The following CDH7 variants were observed in gnomAD, a reference collection of about 807,000 sequenced individuals.
The protein encoded by CDH7 is cadherin-7.
CDH7 carries 25 observed loss-of-function variants against 71.8 expected under a neutral mutation model. That is an observed-to-expected ratio of 0.35 (90% CI 0.25 to 0.49). CDH7 has a LOEUF of 0.49. CDH7 is among the 20% of genes least tolerant of loss of function. The probability of loss-of-function intolerance (pLI) is 0.99; values close to 1 mark genes in which losing one functional copy is unlikely to be tolerated. For synonymous variants in CDH7, 381 were observed against 363.8 expected (o/e 1.05, Z -0.54); for missense variants, 862 against 974.6 (o/e 0.88, Z 1.54).
intron 7 of CDH7, among the ~76,000 whole-genome samples, chr18:65,853,131 C>T (rs1308641200): frequency 6.6e-5 from 10 of 152,152 alleles, no homozygotes; most frequent in Admixed American, 6.6e-4. Flanking sequence ...CTCCAATATA[C>T]ACTAAAGGAA....
At chr18:65,843,563 G>T (rs141882556) in intron 6 of CDH7, among the ~76,000 whole-genome samples, 1 of 152,214 alleles carries the variant, frequency 6.6e-6, no homozygotes, top group African/African-American at 2.4e-5. Flanking sequence ...CCAAAGACTG[G>T]CATCTGTCTG....
At chr18:65,756,945 G>A (rs1916046084) in intron 1 of CDH7, among the ~76,000 whole-genome samples, 1 of 151,982 alleles carries the variant, frequency 6.6e-6, no homozygotes. Context: ...TGAATATGAT[G>A]TATACTTGTT....
intron 2 of CDH7, among the ~76,000 whole-genome samples, chr18:65,778,641 A>G (rs1193751718): frequency 1.4e-5 from 2 of 145,640 alleles, no homozygotes; most frequent in African/African-American, 2.6e-5. Flanking sequence ...ATGGATAATG[A>G]AAGTTTGCAT....
At chr18:65,810,106 T>C in intron 3 of CDH7, 108 bp downstream of exon 3, 2 of 904,738 alleles carry the variant, frequency 2.2e-6, no homozygotes, top group Non-Finnish European at 3.4e-6. Flanking sequence ...CTTACTAGTA[T>C]GTGTGTATTG....
chr18:65,788,398 TA>T (rs1306524736), intron 2 of CDH7, among the ~76,000 whole-genome samples: 10 of 151,996 alleles, frequency 6.6e-5, no homozygotes, highest in Admixed American at 3.3e-4. Context: ...AAGTAACATA[TA>T]AAAAATATGA....
chr18:65,850,724 A>T (rs1033799369), intron 7 of CDH7, among the ~76,000 whole-genome samples: 1 of 152,068 alleles, frequency 6.6e-6, no homozygotes, highest in African/African-American at 2.4e-5. Flanking sequence ...CCTAAAGGAA[A>T]ATTGTGTTGA....
At chr18:65,844,174 G>GATAGATATATATATATATAT (rs145270355) in intron 7 of CDH7, 109 bp downstream of exon 7, 2 of 222,152 alleles carry the variant, frequency 9.0e-6, no homozygotes, top group African/African-American at 3.1e-5. Flanking sequence ...ATAAAAACCA[G>GATAGATATATATATATATAT]ATATATATAT....
chr18:65,874,178 A>G (rs1208340079), intron 11 of CDH7, among the ~76,000 whole-genome samples: 1 of 152,176 alleles, frequency 6.6e-6, no homozygotes, highest in Non-Finnish European at 1.5e-5. Flanking sequence ...TAGGCTTTAA[A>G]CCTGTGGTAG....
chr18:65,816,687 G>T (rs745813044), intron 4 of CDH7, among the ~76,000 whole-genome samples: 1 of 152,094 alleles, frequency 6.6e-6, no homozygotes, highest in South Asian at 2.1e-4. Context: ...TGAATGACCA[G>T]AGGGTAACTA....
rs539908921 is a variant in CDH7 at position 65,837,128 on chromosome 18, T to TA, written c.982-6680dup. Among the ~76,000 whole-genome samples, 33 of 152,334 alleles carry TA rather than the reference T, an allele frequency of 2.2e-4. No individual in the cohort carries two copies. The East Asian group carries it at 6.0e-3, about 28-fold the overall frequency. On this transcript the variant is annotated intron_variant, in intron 6 of 11. Coordinates refer to ENST00000397968, the MANE Select transcript of CDH7 (RefSeq NM_004361.5). ...TTCTGTAGAAAATATAATTTCTTGCTAAAATTCATGAGTCACAAAAATTTC... is the reference window on the plus strand; with the variant it reads ...TTCTGTAGAAAATATAATTTCTTGCTAAAAATTCATGAGTCACAAAAATTTC...
rs2587452 is a variant in CDH7, at chr18:65,885,607, T to C, written c.*4713T>C. 7,603 of 151,842 alleles carry C rather than the reference T, an allele frequency of 0.05. 605 individuals carry two copies. The highest frequency in any genetic ancestry group is 0.17 in the African/African-American group (7,140 of 41,378). The allele number at this position is 151,842 out of a possible 1,614,324, so 9.4% of individuals were successfully genotyped here. A position where few individuals can be genotyped will look rare whatever the true frequency, so the allele number is the denominator to read the frequency against. On this transcript the variant is annotated 3_prime_UTR_variant, in exon 12 of 12. Transcript: ENST00000397968. ...GGTCTCGATCTCCTGACCTCGTGAT[T>C]CGCCCGCCTCGGCCTCCCAAAGTGC...
At chr18:65,798,634 C>G (rs1194557690) in intron 2 of CDH7, among the ~76,000 whole-genome samples, 1 of 152,150 alleles carries the variant, frequency 6.6e-6, no homozygotes, top group Non-Finnish European at 1.5e-5. Context: ...GCAAAGCAGC[C>G]TAGGACTTGG....
chr18:65,782,513 G>A (rs898221412), intron 2 of CDH7, among the ~76,000 whole-genome samples: 27 of 152,040 alleles, frequency 1.8e-4, no homozygotes, highest in Non-Finnish European at 2.6e-4. Context: ...TATTAAAATA[G>A]AGCAAAATTT....
chr18:65,829,669 T>A (rs1912265379), intron 6 of CDH7, among the ~76,000 whole-genome samples: 1 of 149,082 alleles, frequency 6.7e-6, no homozygotes. Flanking sequence ...CCCCTTACCA[T>A]ACTCATCTTT....
chr18:65,872,997 AACTT>A lies in CDH7; in HGVS notation c.1865-7402_1865-7399del, dbSNP rs1402462027. On this transcript the variant is annotated intron_variant, in intron 11 of 11. Coordinates refer to ENST00000397968, the MANE Select transcript of CDH7 (RefSeq NM_004361.5). ...AATTAAAAAAGAAAAAAATTACTAAAACTTAATTAGTGCCCAGTAGAAAAAGAAG... is the reference window on the plus strand; with the variant it reads ...AATTAAAAAAGAAAAAAATTACTAAAAATTAGTGCCCAGTAGAAAAAGAAG... 3.4e-4 allele frequency among the ~76,000 whole-genome samples: 51 copies of A among 152,204 alleles called. 1 individual carries two copies. Among genetic ancestry groups the A allele is most frequent in the African/African-American group, 1.0e-3 (43 of 41,596 alleles).
intron 4 of CDH7, among the ~76,000 whole-genome samples, chr18:65,815,922 T>A (rs1356297006): frequency 6.6e-6 from 1 of 152,152 alleles, no homozygotes; most frequent in Non-Finnish European, 1.5e-5. Flanking sequence ...CTCACAATCA[T>A]ACACTCCTGC....
At position 65,886,842 on chromosome 18, in the gene CDH7, A is replaced by G. The variant is rs1914385410; in HGVS notation, c.*5948A>G. 6.6e-6 allele frequency: 1 copy of G among 152,168 alleles called. No individual in the cohort carries two copies. Among genetic ancestry groups the G allele is most frequent in the South Asian group, 2.1e-4 (1 of 4,832 alleles). 9.4% of individuals were successfully genotyped at this position (152,168 alleles called of 1,614,324 possible). Reference sequence around the variant, plus strand: ...ACTCACTTATATCTTACAACAGCTCATCTTAATCTCTTACGAATGAAGAAA... The same window carrying G: ...ACTCACTTATATCTTACAACAGCTCGTCTTAATCTCTTACGAATGAAGAAA... On this transcript the variant is annotated 3_prime_UTR_variant, in exon 12 of 12. Coordinates refer to ENST00000397968, the MANE Select transcript of CDH7 (RefSeq NM_004361.5).
intron 2 of CDH7, among the ~76,000 whole-genome samples, chr18:65,784,503 T>C (rs570820866): frequency 6.6e-6 from 1 of 152,276 alleles, no homozygotes; most frequent in African/African-American, 2.4e-5. Context: ...TGGTGAATTA[T>C]CTGACCCACC....
intron 2 of CDH7, among the ~76,000 whole-genome samples, chr18:65,792,016 C>T (rs1171659116): frequency 1.3e-5 from 2 of 152,092 alleles, no homozygotes; most frequent in East Asian, 3.9e-4. Flanking sequence ...TGTGTTTATA[C>T]TGTACGCAGA....
Sources: gnomAD v4.1 joint callset for allele counts (sites outside exome capture counted in the v4.1 genomes callset) on GRCh38, gnomAD v4.1.1 for gene constraint, MANE v1.5 for transcripts, NCBI Gene and HGNC (gene_info 2026-07-23, HGNC 2026-07-21) for gene names.